The following ERC2 variants were observed in gnomAD, a reference collection of about 807,000 sequenced individuals.
The protein encoded by ERC2 is ELKS/RAB6-interacting/CAST family member 2, also known as ERC protein 2.
Under a neutral mutation model 114.8 loss-of-function variants are expected in ERC2, and 42 were observed. That is an observed-to-expected ratio of 0.37 (90% CI 0.29 to 0.47). ERC2 has a LOEUF of 0.47. Among genes scored for constraint, ERC2 ranks in the 20% least tolerant of loss-of-function variants. The probability of loss-of-function intolerance (pLI) is 0.99; values close to 1 mark genes in which losing one functional copy is unlikely to be tolerated. For synonymous variants in ERC2, 454 were observed against 425.5 expected (o/e 1.07, Z -0.82); for missense variants, 939 against 1,150.7 (o/e 0.82, Z 2.66).
chr3:55,771,579 G>A (rs114895024), intron 14 of ERC2, among the ~76,000 whole-genome samples: 78 of 152,322 alleles, frequency 5.1e-4, no homozygotes, highest in Non-Finnish European at 9.3e-4. Flanking sequence ...AAAATTAGAA[G>A]ATGAAAATAA....
intron 2 of ERC2, among the ~76,000 whole-genome samples, chr3:56,375,079 A>G (rs1375407655): frequency 3.3e-5 from 5 of 152,264 alleles, no homozygotes; most frequent in Admixed American, 3.3e-4. Context: ...GGGACCCAGG[A>G]TGCTCCCAAA....
At chr3:56,094,202 T>A (rs1202332806) in intron 6 of ERC2, among the ~76,000 whole-genome samples, 3 of 152,180 alleles carry the variant, frequency 2.0e-5, no homozygotes. Flanking sequence ...GTAAGAAAGG[T>A]TTGAGTGTGG....
At chr3:55,676,087 A>AT (rs1260889641) in intron 17 of ERC2, among the ~76,000 whole-genome samples, 7 of 149,750 alleles carry the variant, frequency 4.7e-5, no homozygotes, top group Non-Finnish European at 1.0e-4. Flanking sequence ...CGCCCAACTA[A>AT]TTTTTTTGCA....
intron 1 of ERC2, among the ~76,000 whole-genome samples, chr3:56,436,338 G>A: frequency 6.6e-6 from 1 of 152,120 alleles, no homozygotes; most frequent in African/African-American, 2.4e-5. Context: ...GTAAGATGAG[G>A]TTTATAAAAC....
At chr3:55,824,803 A>G (rs901510573) in intron 14 of ERC2, among the ~76,000 whole-genome samples, 23 of 152,228 alleles carry the variant, frequency 1.5e-4, no homozygotes, top group Non-Finnish European at 2.1e-4. Context: ...ATTGGCTTAC[A>G]CTGTGGATCC....
intron 17 of ERC2, among the ~76,000 whole-genome samples, chr3:55,535,689 T>A (rs2053952569): frequency 6.6e-6 from 1 of 152,172 alleles, no homozygotes. Context: ...ATGTGGACCT[T>A]CTTCCATTCC....
intron 2 of ERC2, among the ~76,000 whole-genome samples, chr3:56,345,288 C>G (rs756332709): frequency 3.9e-5 from 6 of 152,064 alleles, no homozygotes; most frequent in Non-Finnish European, 8.8e-5. Context: ...TTTTATTGAC[C>G]ATCTACTCTC....
At chr3:56,061,676 C>G (rs1308560916) in intron 7 of ERC2, among the ~76,000 whole-genome samples, 2 of 152,028 alleles carry the variant, frequency 1.3e-5, no homozygotes, top group African/African-American at 2.4e-5. Flanking sequence ...AATACTAAAC[C>G]AAAGATTCTT....
chr3:56,096,112 C>G (rs1353543930), intron 6 of ERC2, among the ~76,000 whole-genome samples: 1 of 151,996 alleles, frequency 6.6e-6, no homozygotes, highest in Non-Finnish European at 1.5e-5. Flanking sequence ...TTATAAGGCA[C>G]TAAGAGATAA....
intron 17 of ERC2, among the ~76,000 whole-genome samples, chr3:55,536,536 G>A (rs1219933960): frequency 1.3e-5 from 2 of 152,186 alleles, no homozygotes; most frequent in Non-Finnish European, 2.9e-5. Context: ...CTTGATGCAG[G>A]GCCTGGAGTA....
intron 15 of ERC2, among the ~76,000 whole-genome samples, chr3:55,726,493 G>C (rs2064927283): frequency 6.6e-6 from 1 of 152,166 alleles, no homozygotes; most frequent in African/African-American, 2.4e-5. Flanking sequence ...GGACAGGACG[G>C]GTCTACCTCT....
intron 3 of ERC2, among the ~76,000 whole-genome samples, chr3:56,185,496 C>T (rs1339237956): frequency 6.6e-6 from 1 of 152,156 alleles, no homozygotes; most frequent in East Asian, 1.9e-4. Context: ...TACCCAGAGC[C>T]TCATCCATAC....
chr3:56,125,176 T>C (rs894668877), intron 6 of ERC2, among the ~76,000 whole-genome samples: 1 of 152,172 alleles, frequency 6.6e-6, no homozygotes, highest in Non-Finnish European at 1.5e-5. Flanking sequence ...CAAGGTCTTA[T>C]TCCCTGTATA....
intron 2 of ERC2, among the ~76,000 whole-genome samples, chr3:56,366,204 A>G (rs1053353255): frequency 1.3e-5 from 2 of 152,206 alleles, no homozygotes; most frequent in Admixed American, 6.5e-5. Flanking sequence ...TGATCACAGC[A>G]CATGTATCCG....
rs1460346518 is a variant in ERC2 at position 56,217,516 on chromosome 3, A to G, written c.1075-43996T>C. On this transcript the variant is annotated intron_variant, in intron 3 of 17. Transcript: ENST00000288221. ...ATACAAACAAATGGAAGAATATTCC[A>G]TGCTCATGGGTAGGAAGAATCAATA... Among the ~76,000 whole-genome samples, 6 of 152,232 alleles carry G rather than the reference A, an allele frequency of 3.9e-5. No homozygotes were observed. In the East Asian group the frequency reaches 1.2e-3, roughly 29 times the overall value.
intron 17 of ERC2, among the ~76,000 whole-genome samples, chr3:55,535,795 A>T (rs1045856912): frequency 3.3e-5 from 5 of 152,206 alleles, no homozygotes; most frequent in Admixed American, 6.5e-5. Context: ...GGAGTTTAAG[A>T]CCAGCCTGGC....
At chr3:55,624,742 T>C (rs2059445187) in intron 17 of ERC2, among the ~76,000 whole-genome samples, 1 of 152,182 alleles carries the variant, frequency 6.6e-6, no homozygotes, top group Non-Finnish European at 1.5e-5. Flanking sequence ...GCACAAGGTC[T>C]GCTCATCCCA....
intron 6 of ERC2, among the ~76,000 whole-genome samples, chr3:56,082,251 G>C (rs1443606557): frequency 1.3e-5 from 2 of 152,120 alleles, no homozygotes; most frequent in African/African-American, 4.8e-5. Flanking sequence ...TGAGGGCAAA[G>C]TGCCTCATGA....
intron 3 of ERC2, among the ~76,000 whole-genome samples, chr3:56,210,300 G>A (rs1042080181): frequency 1.3e-5 from 2 of 152,114 alleles, no homozygotes; most frequent in African/African-American, 2.4e-5. Flanking sequence ...TTGAAAAGAA[G>A]GGAACAGGCC....
Sources: allele counts gnomAD v4.1 joint callset (sites outside exome capture counted in the v4.1 genomes callset), GRCh38; gene constraint gnomAD v4.1.1; transcripts MANE v1.5; gene names NCBI Gene and HGNC (gene_info 2026-07-23, HGNC 2026-07-21).